NFRKB: variants seen among roughly 807,000 people sequenced by gnomAD.
NFRKB encodes nuclear factor related to kappa-B-binding protein.
In NFRKB, 62 loss-of-function variants were observed where a neutral mutation model predicts 135.7. That is an observed-to-expected ratio of 0.46 (90% CI 0.37 to 0.56). The LOEUF is 0.56. Ranked by LOEUF, NFRKB falls within the 20% of genes least tolerant of loss-of-function variation. The probability of loss-of-function intolerance (pLI) is 0.00; values close to 1 mark genes in which losing one functional copy is unlikely to be tolerated. For missense variants in NFRKB, 1,545 were observed against 1,662.0 expected (o/e 0.93, Z 1.22); for synonymous variants, 678 against 635.6 (o/e 1.07, Z -1.00).
chr11:129,885,751 A>G (rs1469734396), intron 5 of NFRKB, 142 bp from the exon 6 acceptor site: 8 of 726,402 alleles, frequency 1.1e-5, no homozygotes, highest in East Asian at 8.5e-5. Flanking sequence ...ATGCACATAT[A>G]TATTAATATA....
At position 129,881,528 on chromosome 11, in the gene NFRKB, T is replaced by C. The variant is rs1356092908; in HGVS notation, c.1319-20A>G. 2 of 1,613,922 alleles carry C rather than the reference T, an allele frequency of 1.2e-6. No individual in the cohort carries two copies. Among genetic ancestry groups the C allele is most frequent in the South Asian group, 2.2e-5 (2 of 91,052 alleles). ...GAACAGCTGCAAGAAATGGACCACATAAACAAACCATACAGGTGCGTCCCT... is the reference window on the plus strand; with the variant it reads ...GAACAGCTGCAAGAAATGGACCACACAAACAAACCATACAGGTGCGTCCCT... On this transcript the variant is annotated intron_variant, in intron 12 of 26. Coordinates refer to ENST00000682444, the MANE Select transcript of NFRKB (RefSeq NM_001143835.2).
intron 8 of NFRKB, 87 bp from the exon 9 acceptor site, chr11:129,883,293 T>C: frequency 2.2e-6 from 2 of 907,390 alleles, no homozygotes; most frequent in Non-Finnish European, 3.6e-6. Flanking sequence ...AACAATTAGA[T>C]GTTAGGTACA....
chr11:129,880,794 C>G (rs897387411), intron 13 of NFRKB, among the ~76,000 whole-genome samples: 6 of 152,208 alleles, frequency 3.9e-5, no homozygotes, highest in Admixed American at 1.3e-4. Context: ...CACCCAGAAG[C>G]TGAATAAATG....
intron 3 of NFRKB, among the ~76,000 whole-genome samples, chr11:129,890,337 C>G (rs1336480913): frequency 6.6e-6 from 1 of 152,170 alleles, no homozygotes; most frequent in Non-Finnish European, 1.5e-5. Context: ...AACTCAGTGT[C>G]TGGCATAGAG....
chr11:129,872,684 G>A (rs1197138303), intron 23 of NFRKB, 200 bp downstream of exon 23: 2 of 525,016 alleles, frequency 3.8e-6, no homozygotes, highest in East Asian at 3.1e-5. Flanking sequence ...GAATGAAACA[G>A]AAGAAATCTC....
chr11:129,866,662 T>A (rs1468058862), intron 24 of NFRKB, among the ~76,000 whole-genome samples: 1 of 151,726 alleles, frequency 6.6e-6, no homozygotes, highest in African/African-American at 2.4e-5. Flanking sequence ...AGGCCTAGAG[T>A]CTTTGGGACT....
chr11:129,870,289 G>A (rs191796083), intron 23 of NFRKB, 28 bp from the exon 24 acceptor site: 1 of 1,597,448 alleles, frequency 6.3e-7, no homozygotes, highest in Non-Finnish European at 8.6e-7. Flanking sequence ...GCACTGATGA[G>A]GGATTCACAA....
intron 2 of NFRKB, chr11:129,893,084 A>T: frequency 7.1e-7 from 1 of 1,414,410 alleles, no homozygotes; most frequent in Non-Finnish European, 9.2e-7. Flanking sequence ...TTTTCTCAGA[A>T]TGCTCCTACA....
In NFRKB at chr11:129,878,355, G is replaced by C. The variant is rs768199142; in HGVS notation, c.1465C>G (p.Gln489Glu). 3.1e-6 allele frequency: 5 copies of C among 1,614,146 alleles called. No individual in the cohort carries two copies. Among genetic ancestry groups the C allele is most frequent in the Non-Finnish European group, 3.4e-6 (4 of 1,180,012 alleles). Residue 489 changes from glutamine to glutamate, a missense_variant and splice_region_variant, in exon 15 of 27, where the codon CAA (glutamine) becomes GAA (glutamate). Transcript: ENST00000682444. ...GCATCTGAGCTGTCTTCATTTTCTTGCTGGAGAAAAAGAAAACGTTGACAG... is the reference window on the plus strand; with the variant it reads ...GCATCTGAGCTGTCTTCATTTTCTTCCTGGAGAAAAAGAAAACGTTGACAG... ...LETKDQAFCK[Q>E]ENEDSSDATT...
At chr11:129,879,808 C>G (rs769738147) in intron 13 of NFRKB, among the ~76,000 whole-genome samples, 1 of 152,226 alleles carries the variant, frequency 6.6e-6, no homozygotes, top group Non-Finnish European at 1.5e-5. Flanking sequence ...ACACTCTCCC[C>G]CTTAAACTCT....
intron 3 of NFRKB, among the ~76,000 whole-genome samples, chr11:129,890,029 G>GT (rs371082832): frequency 0.4 from 53,119 of 134,018 alleles, 10,693 homozygotes; most frequent in East Asian, 0.47. Flanking sequence ...GGGTTTTTTT[G>GT]TTTTTTTTTT....
chr11:129,881,213 T>C (rs1020173086), intron 13 of NFRKB, among the ~76,000 whole-genome samples: 3 of 152,192 alleles, frequency 2.0e-5, no homozygotes, highest in African/African-American at 7.2e-5. Context: ...GACTACATCA[T>C]ACAGAAAGGC....
intron 8 of NFRKB, 109 bp downstream of exon 8, chr11:129,883,961 G>C (rs1199942436): frequency 4.4e-6 from 5 of 1,145,544 alleles, no homozygotes; most frequent in Non-Finnish European, 6.6e-6. Context: ...GCCCACAGTG[G>C]TAGGGAGGAC....
intron 23 of NFRKB, among the ~76,000 whole-genome samples, chr11:129,871,934 T>C (rs1948529338): frequency 6.6e-6 from 1 of 152,170 alleles, no homozygotes; most frequent in East Asian, 1.9e-4. Context: ...ACCCTCACAC[T>C]TGCTCCCTAC....
intron 1 of NFRKB, among the ~76,000 whole-genome samples, chr11:129,895,046 C>T (rs750766118): frequency 3.3e-5 from 5 of 152,204 alleles, no homozygotes; most frequent in Non-Finnish European, 5.9e-5. Context: ...GGGAGTTGGA[C>T]CCCGGAAGCC....
chr11:129,872,430 C>A lies in NFRKB; in HGVS notation c.2763+454G>T, dbSNP rs74857087. 5.7e-3 allele frequency among the ~76,000 whole-genome samples: 874 copies of A among 152,304 alleles called. 7 individuals are homozygous for A. Among genetic ancestry groups the A allele is most frequent in the African/African-American group, 0.02 (827 of 41,566 alleles). On this transcript the variant is annotated intron_variant, in intron 23 of 26. Transcript: ENST00000682444. ...TAGACTATTTAACAAGCAAAAAATG[C>A]TTAACGCGGTGCAGGCACACAGGAG... is the stretch of plus-strand genomic sequence containing the variant.
At chr11:129,875,514 G>A (rs1591494777) in intron 17 of NFRKB, 51 bp from the exon 18 acceptor site, 2 of 1,441,478 alleles carry the variant, frequency 1.4e-6, no homozygotes, top group Admixed American at 2.0e-5. Context: ...GGTTCCTACG[G>A]AGGTACAATC....
chr11:129,887,852 A>G (rs552694149), intron 4 of NFRKB, among the ~76,000 whole-genome samples: 64 of 152,338 alleles, frequency 4.2e-4, no homozygotes, highest in Non-Finnish European at 7.2e-4. Flanking sequence ...CCTGGTTAAC[A>G]CAGTGAAACC....
intron 6 of NFRKB, 125 bp downstream of exon 6, chr11:129,885,310 C>T: frequency 8.9e-7 from 1 of 1,128,610 alleles, no homozygotes; most frequent in South Asian, 1.6e-5. Context: ...GCTATGCACC[C>T]CAGACCAGAC....
Sources: gnomAD v4.1 joint callset for allele counts (sites outside exome capture counted in the v4.1 genomes callset) on GRCh38, gnomAD v4.1.1 for gene constraint, MANE v1.5 for transcripts, NCBI Gene and HGNC (gene_info 2026-07-23, HGNC 2026-07-21) for gene names.